The following CREB5 variants were observed in gnomAD, a reference collection of about 807,000 sequenced individuals.
The protein encoded by CREB5 is cAMP responsive element binding protein 5, also known as cyclic AMP-responsive element-binding protein 5.
In CREB5, 19 loss-of-function variants were observed where a neutral mutation model predicts 57.1. That is an observed-to-expected ratio of 0.33 (90% CI 0.23 to 0.49). The LOEUF (loss-of-function observed/expected upper bound fraction) is 0.49, where lower values mean the gene tolerates loss of function less well. CREB5 is among the 20% of genes least tolerant of loss of function. The pLI is 0.99. For missense variants in CREB5, 579 were observed against 671.6 expected (o/e 0.86, Z 1.52); for synonymous variants, 238 against 238.3 (o/e 1.00, Z 0.01).
intron 1 of CREB5, among the ~76,000 whole-genome samples, chr7:28,419,407 T>A (rs1317615952): frequency 1.3e-5 from 2 of 152,258 alleles, no homozygotes; most frequent in Non-Finnish European, 2.9e-5. Context: ...ACAATGGTGA[T>A]ACGTTGGCTT....
chr7:28,684,270 G>A (rs980329110), intron 5 of CREB5, among the ~76,000 whole-genome samples: 19 of 152,206 alleles, frequency 1.2e-4, no homozygotes, highest in African/African-American at 3.9e-4. Context: ...CACATTTGCC[G>A]CTGTCAGGCC....
At chr7:28,463,838 C>T (rs1241290450) in intron 1 of CREB5, among the ~76,000 whole-genome samples, 1 of 152,052 alleles carries the variant, frequency 6.6e-6, no homozygotes, top group Non-Finnish European at 1.5e-5. Context: ...TCCTTAGTTT[C>T]TTCCATATAC....
rs531425585 is a variant in CREB5, at chr7:28,760,287, A to C, written c.702+35955A>C. Among the ~76,000 whole-genome samples the C allele has an allele frequency of 5.9e-5, 9 of 152,286 alleles. No homozygotes were observed. In the South Asian group the frequency reaches 1.7e-3, roughly 28 times the overall value. On this transcript the variant is annotated intron_variant, in intron 7 of 10. Coordinates refer to ENST00000357727, the MANE Select transcript of CREB5 (RefSeq NM_182898.4). ...CCACACACCTCTTTCCTCTCCCAGG[A>C]GACTCAATTGGGTATCTACATGTGG...
intron 1 of CREB5, among the ~76,000 whole-genome samples, chr7:28,334,003 A>G (rs1005062234): frequency 6.6e-6 from 1 of 152,164 alleles, no homozygotes; most frequent in Non-Finnish European, 1.5e-5. Flanking sequence ...ACTAATTTAT[A>G]TTCCCACCAA....
chr7:28,632,910 C>T (rs1798259962), intron 5 of CREB5, among the ~76,000 whole-genome samples: 1 of 152,180 alleles, frequency 6.6e-6, no homozygotes, highest in Admixed American at 6.5e-5. Context: ...TGGCATCTAT[C>T]CTGTTCACCC....
intron 5 of CREB5, among the ~76,000 whole-genome samples, chr7:28,608,607 AT>A (rs1797263440): frequency 6.6e-6 from 1 of 152,086 alleles, no homozygotes; most frequent in South Asian, 2.1e-4. Flanking sequence ...AGCACAGCAC[AT>A]TGAACAGGCT....
intron 1 of CREB5, among the ~76,000 whole-genome samples, chr7:28,354,258 A>G (rs973941855): frequency 1.3e-5 from 2 of 152,156 alleles, no homozygotes; most frequent in Non-Finnish European, 2.9e-5. Context: ...GGAGATTAAC[A>G]TTGAGTCAGT....
chr7:28,815,828 C>A (rs902615636), intron 9 of CREB5, among the ~76,000 whole-genome samples: 1 of 152,054 alleles, frequency 6.6e-6, no homozygotes, highest in African/African-American at 2.4e-5. Flanking sequence ...CAAGAGAACC[C>A]AGTTTTGTTT....
At chr7:28,432,949 T>G (rs1374054018) in intron 1 of CREB5, among the ~76,000 whole-genome samples, 1 of 152,212 alleles carries the variant, frequency 6.6e-6, no homozygotes, top group Non-Finnish European at 1.5e-5. Flanking sequence ...TGTGTTTGAA[T>G]TTTTTCTACT....
At chr7:28,331,203 A>G (rs1785710053) in intron 1 of CREB5, among the ~76,000 whole-genome samples, 1 of 151,778 alleles carries the variant, frequency 6.6e-6, no homozygotes, top group African/African-American at 2.4e-5. Context: ...TATTATCGCT[A>G]CCTTAAGGAG....
rs150422355 is a variant in CREB5 at position 28,358,646 on chromosome 7, C to T, written c.-25+59205C>T. Reference sequence around the variant, plus strand: ...TTCTTTCCCCAGCATCTGCAGCCGTCCTGCCTGGGGCCATGAGCTCATCTG... The same window carrying T: ...TTCTTTCCCCAGCATCTGCAGCCGTTCTGCCTGGGGCCATGAGCTCATCTG... On this transcript the variant is annotated intron_variant, in intron 1 of 9. Coordinates refer to the CREB5 transcript ENST00000396299. Among the ~76,000 whole-genome samples the T allele has an allele frequency of 7.1e-3, 1,086 of 152,350 alleles. 7 individuals are homozygous for T. Among genetic ancestry groups the T allele is most frequent in the Non-Finnish European group, 0.013 (864 of 68,038 alleles).
Position 28,393,123 on chromosome 7 carries a change from C to T in CREB5, c.-25+93682C>T, listed in dbSNP as rs1787256745. ...GTTATTTTTAGTAGAGACGGAGTTT[C>T]TCCATGTTGATCAGGCTGGTCTTGA... On this transcript the variant is annotated intron_variant, in intron 1 of 9. Transcript: ENST00000396299. 2.6e-5 allele frequency among the ~76,000 whole-genome samples: 4 copies of T among 152,304 alleles called. No individual in the cohort carries two copies. In the South Asian group the frequency reaches 8.3e-4, roughly 32 times the overall value.
At chr7:28,528,771 TTA>T (rs1491396033) in intron 4 of CREB5, among the ~76,000 whole-genome samples, 36 of 51,272 alleles carry the variant, frequency 7.0e-4, no homozygotes, top group African/African-American at 2.1e-3. Context: ...ATGTTTTAGG[TTA>T]AAAAAAAAAA....
At chr7:28,724,557 G>T (rs1803232456) in intron 7 of CREB5, 4 of 492,122 alleles carry the variant, frequency 8.1e-6, no homozygotes, top group Non-Finnish European at 1.5e-5. Context: ...ATTAATGAAA[G>T]GAACATTTAG....
chr7:28,445,104 C>A (rs1197893918), intron 1 of CREB5, among the ~76,000 whole-genome samples: 1 of 152,168 alleles, frequency 6.6e-6, no homozygotes, highest in East Asian at 1.9e-4. Context: ...TACAAAAGGG[C>A]AGTTCCCCTG....
At chr7:28,376,933 G>C (rs1313899435) in intron 1 of CREB5, among the ~76,000 whole-genome samples, 6 of 152,178 alleles carry the variant, frequency 3.9e-5, no homozygotes, top group Admixed American at 6.5e-5. Flanking sequence ...TGAAGTTGAT[G>C]ATTCAAACAA....
chr7:28,402,925 T>G (rs550729085), intron 1 of CREB5, among the ~76,000 whole-genome samples: 380 of 152,366 alleles, frequency 2.5e-3, no homozygotes, highest in South Asian at 6.2e-3. Context: ...AGTCTAGTTG[T>G]CTCTTGTTAA....
At chr7:28,704,684 T>A (rs999184996) in intron 5 of CREB5, among the ~76,000 whole-genome samples, 2 of 152,108 alleles carry the variant, frequency 1.3e-5, no homozygotes, top group Non-Finnish European at 2.9e-5. Flanking sequence ...CTGAAACACC[T>A]GGGATCAAGA....
chr7:28,730,566 T>C (rs1470986228), intron 7 of CREB5, among the ~76,000 whole-genome samples: 1 of 152,170 alleles, frequency 6.6e-6, no homozygotes, highest in African/African-American at 2.4e-5. Flanking sequence ...TGGTAAAATA[T>C]GGTCTGGGAT....
Sources: gnomAD v4.1 joint callset for allele counts (sites outside exome capture counted in the v4.1 genomes callset) on GRCh38, gnomAD v4.1.1 for gene constraint, MANE v1.5 for transcripts, NCBI Gene and HGNC (gene_info 2026-07-23, HGNC 2026-07-21) for gene names.